Variants in CLIP4 observed in about 807,000 individuals in gnomAD.
CLIP4 encodes the protein CAP-Gly domain containing linker protein family member 4, also known as CAP-Gly domain-containing linker protein 4.
Under a neutral mutation model 73.1 loss-of-function variants are expected in CLIP4, and 47 were observed. That is an observed-to-expected ratio of 0.64 (90% CI 0.51 to 0.82). CLIP4 has a LOEUF of 0.82. CLIP4 is among the 40% of genes least tolerant of loss of function. The probability of loss-of-function intolerance (pLI) is 0.00; values close to 1 mark genes in which losing one functional copy is unlikely to be tolerated. For synonymous variants in CLIP4, 306 were observed against 295.4 expected, an observed-to-expected ratio of 1.04 and a Z score of -0.37; for missense variants, 874 against 852.9, an observed-to-expected ratio of 1.02 and a Z score of -0.31.
intron 1 of CLIP4, among the ~76,000 whole-genome samples, chr2:29,120,008 T>C (rs1175982120): frequency 6.6e-6 from 1 of 152,202 alleles, no homozygotes; most frequent in East Asian, 1.9e-4. Flanking sequence ...TTGTATATAG[T>C]GGTTCCTTAA....
intron 7 of CLIP4, 64 bp downstream of exon 7, chr2:29,144,009 C>CAGAG (rs1553371271): frequency 1.6e-5 from 21 of 1,309,952 alleles, no homozygotes; most frequent in Non-Finnish European, 2.3e-5. Context: ...TGTTCAAGGA[C>CAGAG]ACAGTATGGT....
At chr2:29,174,476 T>C in intron 15 of CLIP4, 31 bp downstream of exon 15, 1 of 1,599,948 alleles carries the variant, frequency 6.3e-7, no homozygotes, top group Non-Finnish European at 8.5e-7. Flanking sequence ...GAAAAACACC[T>C]TTCAAGATGA....
intron 2 of CLIP4, among the ~76,000 whole-genome samples, chr2:29,123,974 A>G (rs1345159613): frequency 6.6e-6 from 1 of 152,230 alleles, no homozygotes; most frequent in Non-Finnish European, 1.5e-5. Context: ...CATTATATAC[A>G]TTATAAATAC....
At chr2:29,111,107 G>T (rs571966824), upstream of CLIP4, among the ~76,000 whole-genome samples, 4 of 152,328 alleles carry the variant, frequency 2.6e-5, no homozygotes, top group Admixed American at 6.5e-5. Flanking sequence ...ATATCCAGGA[G>T]GGTGACTGCT....
chr2:29,179,785 C>T (rs779001601), intron 15 of CLIP4, among the ~76,000 whole-genome samples: 21 of 152,278 alleles, frequency 1.4e-4, no homozygotes, highest in Non-Finnish European at 2.4e-4. Context: ...GTATGTTCTT[C>T]AGTAAAGATG....
chr2:29,105,819 G>A (rs886783226), intron 1 of CLIP4, among the ~76,000 whole-genome samples: 1 of 152,168 alleles, frequency 6.6e-6, no homozygotes. Flanking sequence ...TGTGAACCAG[G>A]CAGAGGGCCC....
At chr2:29,100,750 A>G (rs182070108) in intron 1 of CLIP4, among the ~76,000 whole-genome samples, 4 of 151,940 alleles carry the variant, frequency 2.6e-5, no homozygotes, top group African/African-American at 9.6e-5. Context: ...GGCCTGTGCA[A>G]GGTTACAGAG....
chr2:29,135,718 C>T lies in CLIP4; in HGVS notation c.648+52C>T, dbSNP rs778814811. ...ATATTAAAAGAATTAAGAAATCTTACTTTCTGGTAAAATGTTGAATCTGAA... is the reference window on the plus strand; with the variant it reads ...ATATTAAAAGAATTAAGAAATCTTATTTTCTGGTAAAATGTTGAATCTGAA... On this transcript the variant is annotated intron_variant, in intron 6 of 15. Coordinates refer to ENST00000320081, the MANE Select transcript of CLIP4 (RefSeq NM_024692.6). 2.3e-6 allele frequency: 3 copies of T among 1,295,140 alleles called. No homozygotes were observed. The South Asian group carries it at 4.0e-5, about 17-fold the overall frequency. The allele number at this position is 1,295,140 out of a possible 1,614,324, so 80.2% of individuals were successfully genotyped here.
At chr2:29,175,394 G>A (rs995911959) in intron 15 of CLIP4, 2 of 152,190 alleles carry the variant, frequency 1.3e-5, no homozygotes, top group African/African-American at 4.8e-5. Flanking sequence ...TTTAAGGGCA[G>A]TCAGTTTATG....
rs143444298 is a variant in CLIP4, at chr2:29,176,336, A to G, written c.1796+1891A>G. Among the ~76,000 whole-genome samples, 5 of 152,304 alleles carry G rather than the reference A, an allele frequency of 3.3e-5. No individual in the cohort carries two copies. In the East Asian group the frequency reaches 7.7e-4, roughly 24 times the overall value. ...TGAGAAAGTATGTTTCTTGAGATTC[A>G]TCAAACTCTGCTCCATGTCCTTGCT... On this transcript the variant is annotated intron_variant, in intron 15 of 15. Transcript: ENST00000320081.
intron 14 of CLIP4, among the ~76,000 whole-genome samples, chr2:29,173,642 A>C (rs1412634560): frequency 6.6e-6 from 1 of 152,202 alleles, no homozygotes; most frequent in Non-Finnish European, 1.5e-5. Flanking sequence ...TATTTTTTAA[A>C]AATTATAGTT....
At chr2:29,163,992 T>G in intron 13 of CLIP4, 38 bp downstream of exon 13, 1 of 1,575,454 alleles carries the variant, frequency 6.3e-7, no homozygotes, top group Non-Finnish European at 8.7e-7. Flanking sequence ...ACAGAAACTT[T>G]TTGTAATCTG....
intron 2 of CLIP4, among the ~76,000 whole-genome samples, chr2:29,129,853 T>G (rs1664850756): frequency 6.6e-6 from 1 of 152,204 alleles, no homozygotes; most frequent in South Asian, 2.1e-4. Context: ...CTTTGTAAAG[T>G]TCACCTATTT....
intron 1 of CLIP4, among the ~76,000 whole-genome samples, chr2:29,102,565 C>A (rs1431218185): frequency 1.3e-5 from 2 of 152,112 alleles, no homozygotes; most frequent in African/African-American, 4.8e-5. Context: ...CAGCTTAGAG[C>A]CATTCTTTTC....
At chr2:29,152,996 T>C (rs146659649) in intron 9 of CLIP4, among the ~76,000 whole-genome samples, 168 bp downstream of exon 9, 2 of 152,354 alleles carry the variant, frequency 1.3e-5, no homozygotes, top group Admixed American at 1.3e-4. Flanking sequence ...TGACTTCAGT[T>C]CCTAACAAAT....
rs748589415 is a variant in CLIP4 at position 29,181,850 on chromosome 2, A to T, written c.2075A>T (p.Tyr692Phe). 5 of 1,613,678 alleles carry T rather than the reference A, an allele frequency of 3.1e-6. No individual in the cohort carries two copies. The Admixed American group carries it at 8.3e-5, about 27-fold the overall frequency. ...GVLVRPSRVT[Y>F]RGINGSKLVD... Reference sequence around the variant, plus strand: ...TTAGTTCGACCGAGCAGAGTGACCTATCGGGGAATTAATGGGTCAAAACTT... The same window carrying T: ...TTAGTTCGACCGAGCAGAGTGACCTTTCGGGGAATTAATGGGTCAAAACTT... The change falls in exon 16 of 16, where the codon TAT (tyrosine) becomes TTT (phenylalanine). Residue 692 changes from tyrosine (Y) to phenylalanine (F), a missense_variant. By Grantham distance (22) the Tyr-to-Phe change is conservative. Transcript: ENST00000320081.
At chr2:29,172,010 T>G (rs928638829) in intron 14 of CLIP4, among the ~76,000 whole-genome samples, 1 of 56,690 alleles carries the variant, frequency 1.8e-5, no homozygotes, top group African/African-American at 4.4e-5. Context: ...CCACCCTCTG[T>G]TTTTTTTTTT....
chr2:29,157,255 A>G lies in CLIP4; in HGVS notation c.1307A>G (p.His436Arg). 6.2e-7 allele frequency: 1 copy of G among 1,614,136 alleles called. No homozygotes were observed. Among genetic ancestry groups the G allele is most frequent in the Non-Finnish European group, 8.5e-7 (1 of 1,179,994 alleles). The change falls in exon 11 of 16, where the codon CAC (histidine) becomes CGC (arginine). Residue 436 changes from histidine to arginine, a missense_variant. By Grantham distance (29) the His-to-Arg change is conservative. Coordinates refer to ENST00000320081, the MANE Select transcript of CLIP4 (RefSeq NM_024692.6). Reference protein sequence around the residue: ...SSCSSTSSLEHRQSYPKKQNA... With the variant: ...SSCSSTSSLERRQSYPKKQNA... ...TGCTCCTCTACATCTTCTTTGGAACACAGACAGAGCTACCCCAAGAAACAG... is the reference window on the plus strand; with the variant it reads ...TGCTCCTCTACATCTTCTTTGGAACGCAGACAGAGCTACCCCAAGAAACAG...
chr2:29,150,516 C>G (rs187224766), intron 8 of CLIP4, among the ~76,000 whole-genome samples: 44 of 152,136 alleles, frequency 2.9e-4, no homozygotes, highest in African/African-American at 1.1e-3. Context: ...GAAAAAGACT[C>G]CATAGCTTGA....
Sources: allele counts gnomAD v4.1 joint callset (sites outside exome capture counted in the v4.1 genomes callset), GRCh38; gene constraint gnomAD v4.1.1; transcripts MANE v1.5; gene names NCBI Gene and HGNC (gene_info 2026-07-23, HGNC 2026-07-21).